The following RBPJ variants were observed in gnomAD, a reference collection of about 807,000 sequenced individuals.
The protein encoded by RBPJ is recombination signal binding protein for immunoglobulin kappa J region.
A neutral mutation model predicts 67.8 loss-of-function variants in RBPJ; 9 were observed. The observed-to-expected ratio is 0.13, with a 90% CI of 0.08 to 0.23. The LOEUF (loss-of-function observed/expected upper bound fraction) is 0.23, where lower values mean the gene tolerates loss of function less well. Among genes scored for constraint, RBPJ ranks in the 10% least tolerant of loss-of-function variants. The pLI, the probability that RBPJ is intolerant of heterozygous loss-of-function variation, is 1.00. For missense variants in RBPJ, 305 were observed against 595.6 expected (o/e 0.51, Z 5.08); for synonymous variants, 198 against 203.3 (o/e 0.97, Z 0.22).
intron 3 of RBPJ, among the ~76,000 whole-genome samples, chr4:26,408,181 C>T (rs56928218): frequency 0.018 from 2,748 of 152,046 alleles, 91 homozygotes; most frequent in African/African-American, 0.062. Flanking sequence ...GAAGGTAAAG[C>T]TATTTAATTG....
chr4:26,403,554 G>A (rs560479982), intron 2 of RBPJ, among the ~76,000 whole-genome samples: 3 of 152,188 alleles, frequency 2.0e-5, no homozygotes, highest in Admixed American at 2.0e-4. Flanking sequence ...CCCTCAAGTA[G>A]ACTTCAGTGT....
At chr4:26,114,669 A>G in the RBPJ span, among the ~76,000 whole-genome samples, 1 of 152,154 alleles carries the variant, frequency 6.6e-6, no homozygotes, top group East Asian at 1.9e-4. Context: ...TTTTCCACAC[A>G]AACTACCACT....
intron 1 of RBPJ, among the ~76,000 whole-genome samples, chr4:26,360,706 T>C (rs1254957350): frequency 2.0e-5 from 3 of 151,228 alleles, no homozygotes; most frequent in African/African-American, 7.3e-5. Context: ...CTCAGCCTCC[T>C]GAGTAGCTGG....
intron 1 of RBPJ, among the ~76,000 whole-genome samples, chr4:26,209,168 G>A (rs1002281121): frequency 6.6e-6 from 1 of 151,354 alleles, no homozygotes; most frequent in African/African-American, 2.4e-5. Context: ...TCAAGCTACC[G>A]GCATGATGTC....
intron 1 of RBPJ, among the ~76,000 whole-genome samples, chr4:26,281,183 C>G: frequency 6.6e-6 from 1 of 152,122 alleles, no homozygotes; most frequent in Admixed American, 6.6e-5. Context: ...AATTGACTCA[C>G]AGTTCCGCAG....
At position 26,298,067 on chromosome 4, in the gene RBPJ, T is replaced by C. The variant is rs369877627; in HGVS notation, c.-166-64379T>C. 2.0e-5 allele frequency among the ~76,000 whole-genome samples: 3 copies of C among 152,296 alleles called. No individual in the cohort carries two copies. The East Asian group carries it at 5.8e-4, about 29-fold the overall frequency. On this transcript the variant is annotated intron_variant, in intron 1 of 4. Transcript: ENST00000512351. ...TTTCTTCTGATTTCCATGAAACGGA[T>C]TAATGTTTTAATTCACCTGAACCAC...
intron 1 of RBPJ, among the ~76,000 whole-genome samples, chr4:26,256,238 C>A (rs1720339975): frequency 6.6e-6 from 1 of 151,944 alleles, no homozygotes; most frequent in Non-Finnish European, 1.5e-5. Context: ...AAGCCACAGC[C>A]CCACCCTGCC....
At chr4:26,130,319 C>G in the RBPJ span, among the ~76,000 whole-genome samples, 1 of 152,210 alleles carries the variant, frequency 6.6e-6, no homozygotes, top group Non-Finnish European at 1.5e-5. Context: ...ATCCTCCTCC[C>G]CAAGGAGTGG....
At chr4:26,352,696 CTG>C (rs1034319154) in intron 1 of RBPJ, among the ~76,000 whole-genome samples, 1 of 152,230 alleles carries the variant, frequency 6.6e-6, no homozygotes, top group African/African-American at 2.4e-5. Flanking sequence ...GAGTGAAACT[CTG>C]TCTCAAACAA....
At chr4:26,390,550 A>G (rs1306558087) in intron 2 of RBPJ, among the ~76,000 whole-genome samples, 1 of 152,224 alleles carries the variant, frequency 6.6e-6, no homozygotes, top group Non-Finnish European at 1.5e-5. Context: ...AGTAGGATAC[A>G]TGATTAACAT....
At chr4:26,143,182 C>T in the RBPJ span, among the ~76,000 whole-genome samples, 14 of 152,264 alleles carry the variant, frequency 9.2e-5, no homozygotes, top group African/African-American at 2.6e-4. Flanking sequence ...AATTCAATCC[C>T]ATCTGATTAT....
chr4:26,402,431 A>G (rs1476909159), intron 2 of RBPJ, among the ~76,000 whole-genome samples: 1 of 152,142 alleles, frequency 6.6e-6, no homozygotes, highest in Non-Finnish European at 1.5e-5. Context: ...TTCCTTTTCC[A>G]TACCCTGGAA....
intron 1 of RBPJ, among the ~76,000 whole-genome samples, chr4:26,191,659 A>G (rs1717555111): frequency 6.6e-6 from 1 of 152,226 alleles, no homozygotes; most frequent in African/African-American, 2.4e-5. Context: ...TAACTCTCCC[A>G]GCAATGACGG....
chr4:26,167,872 T>C (rs1210235922), intron 1 of RBPJ, among the ~76,000 whole-genome samples: 1 of 152,150 alleles, frequency 6.6e-6, no homozygotes, highest in East Asian at 1.9e-4. Flanking sequence ...ATAGCTCTTA[T>C]TATTAGAGAC....
chr4:26,212,331 C>T (rs2109173535), intron 1 of RBPJ, among the ~76,000 whole-genome samples: 1 of 152,022 alleles, frequency 6.6e-6, no homozygotes, highest in South Asian at 2.1e-4. Flanking sequence ...GCTCTTGTTA[C>T]AGGCTATTAT....
intron 1 of RBPJ, among the ~76,000 whole-genome samples, chr4:26,385,385 A>G (rs759453429): frequency 2.0e-5 from 3 of 152,172 alleles, no homozygotes; most frequent in African/African-American, 7.2e-5. Context: ...AGGTAAGCAC[A>G]GTCACTGTGT....
chr4:26,172,622 G>A (rs1037033975), intron 1 of RBPJ, among the ~76,000 whole-genome samples: 2 of 152,118 alleles, frequency 1.3e-5, no homozygotes. Context: ...ATCTCTTTTG[G>A]AATGTCACTC....
In RBPJ at chr4:26,430,917, C is replaced by T. The variant is rs369384969; in HGVS notation, c.1374C>T (p.Asn458=). Reference sequence around the variant, plus strand: ...CCAATTCAAGCCAGGTGCCCCCTAACGAATCAAACACAAACAGCGAGGGAA... The same window carrying T: ...CCAATTCAAGCCAGGTGCCCCCTAATGAATCAAACACAAACAGCGAGGGAA... ...LRANSSQVPP[N]ESNTNSEGSY... The change falls in exon 11 of 11, where the codon AAC becomes AAT. Residue 458 remains asparagine, a synonymous_variant. Transcript: ENST00000355476. The surrounding 1 kb of genome is among the most constrained non-coding windows in gnomAD (Gnocchi z 4.1). 234 of 1,613,988 alleles carry T rather than the reference C, an allele frequency of 1.4e-4. No individual in the cohort carries two copies. Among genetic ancestry groups the T allele is most frequent in the Non-Finnish European group, 1.8e-4 (216 of 1,179,976 alleles).
chr4:26,126,783 G>A, the RBPJ span, among the ~76,000 whole-genome samples: 667 of 152,294 alleles, frequency 4.4e-3, 6 homozygotes, highest in African/African-American at 0.015. Context: ...TGAATGCAAA[G>A]GTAAGAAGTC....
Sources: allele counts gnomAD v4.1 joint callset (sites outside exome capture counted in the v4.1 genomes callset), GRCh38; gene constraint gnomAD v4.1.1; non-coding constraint Gnocchi (gnomAD v3.1); transcripts MANE v1.5; gene names NCBI Gene and HGNC (gene_info 2026-07-23, HGNC 2026-07-21).